The following CHST15 variants were observed in gnomAD, a reference collection of about 807,000 sequenced individuals.
The protein encoded by CHST15 is B cell RAG associated protein (GALNAC4S-6ST).
Under a neutral mutation model 53.6 loss-of-function variants are expected in CHST15, and 30 were observed. The ratio of observed to expected loss-of-function variants is 0.56; its 90% CI spans 0.42 to 0.76. The LOEUF (loss-of-function observed/expected upper bound fraction) is 0.76, where lower values mean the gene tolerates loss of function less well. Ranked by LOEUF, CHST15 falls within the 30% of genes least tolerant of loss-of-function variation. The probability of loss-of-function intolerance (pLI) is 0.00; values close to 1 mark genes in which losing one functional copy is unlikely to be tolerated. For missense variants in CHST15, 627 were observed against 740.5 expected (o/e 0.85, Z 1.78); for synonymous variants, 296 against 289.8 (o/e 1.02, Z -0.22).
chr10:124,073,466 A>T (rs1157810879), intron 1 of CHST15, among the ~76,000 whole-genome samples: 1 of 152,244 alleles, frequency 6.6e-6, no homozygotes, highest in East Asian at 1.9e-4. Context: ...TGCTGTCTGT[A>T]TACCTGATCT....
At chr10:124,041,695 GTAA>G (rs1468002943) in intron 4 of CHST15, among the ~76,000 whole-genome samples, 3 of 152,144 alleles carry the variant, frequency 2.0e-5, no homozygotes, top group African/African-American at 7.2e-5. Flanking sequence ...ATTTTAAAGA[GTAA>G]ATATGTATGT....
At chr10:124,013,787 T>C (rs4244799) in intron 6 of CHST15, among the ~76,000 whole-genome samples, 99,719 of 152,042 alleles carry the variant, frequency 0.66, 33,167 homozygotes, top group East Asian at 0.92. Flanking sequence ...TCCCCTTGCC[T>C]CTTCTCCAAG....
At chr10:124,021,194 C>A (rs181726754) in intron 6 of CHST15, 62 bp downstream of exon 6, 13 of 1,432,184 alleles carry the variant, frequency 9.1e-6, no homozygotes, top group Non-Finnish European at 1.2e-5. Context: ...TGCATAATAA[C>A]AACAAACCAG....
At chr10:124,035,101 A>C (rs559087385) in intron 5 of CHST15, among the ~76,000 whole-genome samples, 1 of 119,412 alleles carries the variant, frequency 8.4e-6, no homozygotes, top group Non-Finnish European at 1.7e-5. Flanking sequence ...CACCCCTAAC[A>C]GGGACCCCGG....
chr10:124,064,367 T>C (rs1948687267), intron 1 of CHST15, among the ~76,000 whole-genome samples: 1 of 152,212 alleles, frequency 6.6e-6, no homozygotes, highest in Non-Finnish European at 1.5e-5. Context: ...AAAGTGCCTG[T>C]GTGATGGCCT....
rs894735511 is a variant in CHST15 at position 124,036,947 on chromosome 10, C to T, written c.1190+1568G>A. On this transcript the variant is annotated intron_variant, in intron 5 of 7. Coordinates refer to ENST00000435907, the MANE Select transcript of CHST15 (RefSeq NM_001270764.2). This position sits in a 1 kb window ranked among gnomAD's most constrained non-coding sequence, Gnocchi z 5.1. ...GCGTAATGACAGGACTTTCTTCCCT[C>T]AGTGTCCTGGAAGCTGGAGTCTGAA... Among the ~76,000 whole-genome samples, 1 of 152,168 alleles carries T rather than the reference C, an allele frequency of 6.6e-6. No homozygotes were observed. Among genetic ancestry groups the T allele is most frequent in the Non-Finnish European group, 1.5e-5 (1 of 68,042 alleles).
chr10:124,054,536 A>T (rs1205126027), intron 1 of CHST15, among the ~76,000 whole-genome samples: 1 of 152,206 alleles, frequency 6.6e-6, no homozygotes, highest in Non-Finnish European at 1.5e-5. Flanking sequence ...TCCTGAGCTC[A>T]CTGATTCTCA....
intron 4 of CHST15, among the ~76,000 whole-genome samples, chr10:124,039,103 T>G (rs1308639600): frequency 6.6e-6 from 1 of 152,204 alleles, no homozygotes; most frequent in African/African-American, 2.4e-5. Context: ...AGCAGTTATC[T>G]AGGTGGGAAA....
At chr10:124,085,757 G>T (rs982033517) in intron 1 of CHST15, among the ~76,000 whole-genome samples, 1 of 152,082 alleles carries the variant, frequency 6.6e-6, no homozygotes, top group African/African-American at 2.4e-5. Flanking sequence ...AACTGCAGAA[G>T]CTCAGAGGAG....
intron 1 of CHST15, among the ~76,000 whole-genome samples, chr10:124,053,039 A>G (rs1244947367): frequency 6.6e-6 from 1 of 151,866 alleles, no homozygotes; most frequent in Non-Finnish European, 1.5e-5. Flanking sequence ...CCAAAAAAAA[A>G]GAGTCTCTGG....
At chr10:124,030,964 G>A (rs1590216146) in intron 5 of CHST15, among the ~76,000 whole-genome samples, 1 of 152,242 alleles carries the variant, frequency 6.6e-6, no homozygotes, top group African/African-American at 2.4e-5. Context: ...CCAGGCTTAG[G>A]CATCCACAAA....
chr10:124,084,968 C>A (rs1299214604), intron 1 of CHST15, among the ~76,000 whole-genome samples: 2 of 152,200 alleles, frequency 1.3e-5, no homozygotes, highest in Non-Finnish European at 2.9e-5. Context: ...GAAACACAAG[C>A]CCTCGGCCCA....
chr10:124,088,016 C>A (rs550607562), intron 1 of CHST15, among the ~76,000 whole-genome samples: 15 of 152,202 alleles, frequency 9.9e-5, no homozygotes, highest in Non-Finnish European at 1.9e-4. Flanking sequence ...GGGGCTCCTG[C>A]CTATATCCTT....
intron 5 of CHST15, among the ~76,000 whole-genome samples, chr10:124,026,682 T>C (rs374486283): frequency 6.6e-6 from 1 of 152,014 alleles, no homozygotes; most frequent in African/African-American, 2.4e-5. Flanking sequence ...GCATGAGGAA[T>C]GTGGGAGGGT....
intron 7 of CHST15, chr10:124,011,827 G>A (rs960919808): frequency 1.1e-4 from 113 of 985,396 alleles, no homozygotes; most frequent in Non-Finnish European, 1.3e-4. Context: ...CAAGAATACC[G>A]GAGATGATGC....
At chr10:124,012,647 G>T (rs1318758503) in intron 6 of CHST15, among the ~76,000 whole-genome samples, 167 bp from the exon 7 acceptor site, 4 of 152,122 alleles carry the variant, frequency 2.6e-5, no homozygotes, top group Non-Finnish European at 4.4e-5. Flanking sequence ...CTTTATGGGG[G>T]GTTTTGTGCT....
At chr10:124,057,711 G>A (rs1948429524) in intron 1 of CHST15, among the ~76,000 whole-genome samples, 1 of 152,318 alleles carries the variant, frequency 6.6e-6, no homozygotes, top group East Asian at 1.9e-4. Context: ...AGCCAAACAA[G>A]CGTGGTAACA....
chr10:124,093,095 G>A (rs1214834215), intron 1 of CHST15, among the ~76,000 whole-genome samples: 1 of 152,208 alleles, frequency 6.6e-6, no homozygotes, highest in East Asian at 1.9e-4. Context: ...GGGTCCTCAA[G>A]CGCGCAGGGC....
chr10:124,031,650 A>G (rs1590217482), intron 5 of CHST15, among the ~76,000 whole-genome samples: 1 of 152,330 alleles, frequency 6.6e-6, no homozygotes, highest in East Asian at 1.9e-4. Flanking sequence ...TGAGTAAATG[A>G]GTGATCAGTT....
Sources: allele counts gnomAD v4.1 joint callset (sites outside exome capture counted in the v4.1 genomes callset), GRCh38; gene constraint gnomAD v4.1.1; non-coding constraint Gnocchi (gnomAD v3.1); transcripts MANE v1.5; gene names NCBI Gene and HGNC (gene_info 2026-07-23, HGNC 2026-07-21).